MYO18A: variants seen among roughly 807,000 people sequenced by gnomAD.
MYO18A encodes myosin XVIIIA.
Under a neutral mutation model 235.8 loss-of-function variants are expected in MYO18A, and 78 were observed. That is an observed-to-expected ratio of 0.33 (90% CI 0.28 to 0.40). The LOEUF (loss-of-function observed/expected upper bound fraction) is 0.40. MYO18A is among the 10% of genes least tolerant of loss of function. The pLI, the probability that MYO18A is intolerant of heterozygous loss-of-function variation, is 1.00. For missense variants in MYO18A, 2,215 were observed against 2,699.3 expected, an observed-to-expected ratio of 0.82 and a Z score of 3.98; for synonymous variants, 977 against 1,077.8, an observed-to-expected ratio of 0.91 and a Z score of 1.83.
chr17:29,074,399 G>C lies in MYO18A; in HGVS notation c.*371C>G. 1 of 622,488 alleles carries C rather than the reference G, an allele frequency of 1.6e-6. No individual in the cohort carries two copies. The highest frequency in any genetic ancestry group is 4.4e-4 in the Middle Eastern group (1 of 2,252). The allele number at this position is 622,488 out of a possible 1,614,324, so 38.6% of individuals were successfully genotyped here. A position where few individuals can be genotyped will look rare whatever the true frequency, so the allele number is the denominator to read the frequency against. On this transcript the variant is annotated 3_prime_UTR_variant, in exon 42 of 42. Transcript: ENST00000527372. This position sits in a 1 kb window ranked among gnomAD's most constrained non-coding sequence, Gnocchi z 4.4. ...TCCTCCCCATGGACCCAGCAACCTA[G>C]AGTGTCCCAGTAGGCAACCTGTCCA...
rs571687563 is a variant in MYO18A at position 29,136,609 on chromosome 17, AATT to A, written c.1000-14359_1000-14357del. 3.9e-5 allele frequency among the ~76,000 whole-genome samples: 6 copies of A among 152,254 alleles called. No homozygotes were observed. The South Asian group carries it at 1.0e-3, about 26-fold the overall frequency. On this transcript the variant is annotated intron_variant, in intron 2 of 41. Transcript: ENST00000527372. ...ACAATCTGAGGATTGGTGATATGGG[AATT>A]ATTATTATTCCCATTTTATCGAGGA...
intron 10 of MYO18A, among the ~76,000 whole-genome samples, chr17:29,116,721 A>ACCCCCCCCCCCCCCCC (rs1292995037): frequency 2.9e-4 from 1 of 3,470 alleles, no homozygotes; most frequent in Non-Finnish European, 6.8e-4. Context: ...GCGCAAACAC[A>ACCCCCCCCCCCCCCCC]CCCTCCCCCC....
rs777821484 is a variant in MYO18A at position 29,107,140 on chromosome 17, G to T, written c.3381C>A (p.Val1127=). 5.0e-6 allele frequency: 8 copies of T among 1,613,908 alleles called. 1 individual carries two copies. In the South Asian group the frequency reaches 8.8e-5, roughly 18 times the overall value. The part of the protein sequence containing the change: ...VFSEFRRRFD[V]LAPHLTKKHG... ...GTTTCTTGGTCAGGTGCGGGGCCAG[G>T]ACATCAAAGCGGCGGCGGAACTCGG... Residue 1127 remains valine, a synonymous_variant, in exon 20 of 42, where the codon GTC becomes GTA. Coordinates refer to ENST00000527372, the MANE Select transcript of MYO18A (RefSeq NM_078471.4).
chr17:29,085,522 C>T (rs1226891356), intron 40 of MYO18A, 82 bp downstream of exon 40: 36 of 1,269,706 alleles, frequency 2.8e-5, no homozygotes, highest in African/African-American at 4.4e-5. Flanking sequence ...CTGCGTGCAG[C>T]GGCCCCAGGG....
At chr17:29,131,029 G>A (rs2067459512) in intron 2 of MYO18A, among the ~76,000 whole-genome samples, 1 of 152,164 alleles carries the variant, frequency 6.6e-6, no homozygotes, top group African/African-American at 2.4e-5. Flanking sequence ...GCCCACCCAA[G>A]CCTCTCCAGG....
At chr17:29,093,139 C>A in intron 32 of MYO18A, 138 bp from the exon 33 acceptor site, 1 of 1,277,088 alleles carries the variant, frequency 7.8e-7, no homozygotes. Context: ...TGCCAACCAG[C>A]GATAAAGGGC....
At chr17:29,153,097 C>T (rs2067992599) in intron 2 of MYO18A, among the ~76,000 whole-genome samples, 1 of 152,096 alleles carries the variant, frequency 6.6e-6, no homozygotes, top group Non-Finnish European at 1.5e-5. Flanking sequence ...CTCAAGACAA[C>T]CTTACAAGGA....
rs946915479 is a variant in MYO18A, at chr17:29,117,619, A to G, written c.2038+426T>C. 6.6e-6 allele frequency among the ~76,000 whole-genome samples: 1 copy of G among 152,138 alleles called. No homozygotes were observed. Among genetic ancestry groups the G allele is most frequent in the African/African-American group, 2.4e-5 (1 of 41,418 alleles). ...GCAACAGAACAAGCCCAGCCCCTAG[A>G]AAGTCCTGGGCAAGCACCAAGACAG... On this transcript the variant is annotated intron_variant, in intron 10 of 41. Transcript: ENST00000527372. The surrounding 1 kb of genome is among the most constrained non-coding windows in gnomAD (Gnocchi z 4.6).
chr17:29,082,259 G>A (rs1458480864), intron 41 of MYO18A, 57 bp downstream of exon 41: 6 of 1,610,004 alleles, frequency 3.7e-6, no homozygotes, highest in African/African-American at 2.7e-5. Flanking sequence ...GGCGCTACTT[G>A]TCCATTCCTT....
intron 1 of MYO18A, among the ~76,000 whole-genome samples, chr17:29,173,525 C>A (rs931786979): frequency 6.6e-6 from 1 of 151,370 alleles, no homozygotes; most frequent in African/African-American, 2.4e-5. Flanking sequence ...GTAGCTGGTA[C>A]TACAGGCGCC....
chr17:29,128,681 A>C lies in MYO18A; in HGVS notation c.1000-6428T>G, dbSNP rs8075161. 1,476 of 622,528 alleles carry C rather than the reference A, an allele frequency of 2.4e-3. 25 individuals are homozygous for C. In the African/African-American group the frequency reaches 0.028, roughly 12 times the overall value. The allele number at this position is 622,528 out of a possible 1,614,324, so 38.6% of individuals were successfully genotyped here. A position where few individuals can be genotyped will look rare whatever the true frequency, so the allele number is the denominator to read the frequency against. On this transcript the variant is annotated intron_variant, in intron 2 of 41. Transcript: ENST00000527372. ...CATCTACCAAGCAACACATGGCTCC[A>C]CGAGGCTACCCCAGGAAGCCCACTT...
intron 2 of MYO18A, among the ~76,000 whole-genome samples, chr17:29,142,852 G>A (rs182113312): frequency 3.5e-4 from 54 of 152,208 alleles, no homozygotes; most frequent in Admixed American, 3.2e-3. Flanking sequence ...TCACTCTATC[G>A]GCTGGAGTAC....
Position 29,121,480 on chromosome 17 carries a change from G to T in MYO18A, c.1371+67C>A. On this transcript the variant is annotated intron_variant, in intron 5 of 41. Coordinates refer to ENST00000527372, the MANE Select transcript of MYO18A (RefSeq NM_078471.4). The surrounding 1 kb of genome is among the most constrained non-coding windows in gnomAD (Gnocchi z 4.2). ...AGGAGCCCAGTGGGGTGCCACAGGG[G>T]AAGGGCAGAGAGCCAGGGCAGGGGG... The T allele has an allele frequency of 6.8e-7, 1 of 1,473,276 alleles. No individual in the cohort carries two copies. Among genetic ancestry groups the T allele is most frequent in the Non-Finnish European group, 9.1e-7 (1 of 1,099,494 alleles). 91.3% of individuals were successfully genotyped at this position (1,473,276 alleles called of 1,614,324 possible).
In MYO18A at chr17:29,093,420, T is replaced by G. The variant is rs1318578296; in HGVS notation, c.4829A>C (p.Gln1610Pro). ...ARQSCQKKLK[Q>P]MEVQLEEEYE... Reference sequence around the variant, plus strand: ...CTCTTCCTCTAGCTGCACCTCCATCTGTTTTAACTGGAGTACCATGGGGAC... The same window carrying G: ...CTCTTCCTCTAGCTGCACCTCCATCGGTTTTAACTGGAGTACCATGGGGAC... The change falls in exon 32 of 42, where the codon CAG (glutamine) becomes CCG (proline). Residue 1610 changes from glutamine (Q) to proline (P), a missense_variant. By Grantham distance (76) the Gln-to-Pro change is moderately conservative. Transcript: ENST00000527372. 6.2e-7 allele frequency: 1 copy of G among 1,610,242 alleles called. No homozygotes were observed.
chr17:29,080,419 T>C (rs1035050436), intron 41 of MYO18A: 2 of 986,028 alleles, frequency 2.0e-6, no homozygotes, highest in Non-Finnish European at 2.4e-6. Context: ...CGAGCAGGCC[T>C]CGCTCAGGGC....
intron 14 of MYO18A, 118 bp downstream of exon 14, chr17:29,114,789 A>G (rs1283963214): frequency 9.2e-7 from 1 of 1,084,054 alleles, no homozygotes; most frequent in East Asian, 2.7e-5. Flanking sequence ...CCTGCTCCAG[A>G]GAGCGCAGGA....
At chr17:29,127,990 TG>T (rs1285411915) in intron 2 of MYO18A, 14 of 1,002,204 alleles carry the variant, frequency 1.4e-5, no homozygotes, top group Non-Finnish European at 1.7e-5. Context: ...CAGGCTTGGC[TG>T]GGGATCCTGC....
In MYO18A at chr17:29,071,763, C is replaced by T. The variant is rs2065886536; in HGVS notation, c.*3007G>A. On this transcript the variant is annotated 3_prime_UTR_variant, in exon 42 of 42. Coordinates refer to ENST00000527372, the MANE Select transcript of MYO18A (RefSeq NM_078471.4). ...CACATGGGTCTGCTCCAGCCCTCGT[C>T]CGCAAAACCCTGGAGGATGGATACT... 6.6e-6 allele frequency: 1 copy of T among 152,202 alleles called. No individual in the cohort carries two copies. The highest frequency in any genetic ancestry group is 6.5e-5 in the Admixed American group (1 of 15,278). 9.4% of individuals were successfully genotyped at this position (152,202 alleles called of 1,614,324 possible).
chr17:29,151,166 G>A (rs1272091867), intron 2 of MYO18A, among the ~76,000 whole-genome samples: 1 of 152,112 alleles, frequency 6.6e-6, no homozygotes, highest in Non-Finnish European at 1.5e-5. Flanking sequence ...AAGCCCAAGA[G>A]TTCGCTGCAG....
Sources: gnomAD v4.1 joint callset for allele counts (sites outside exome capture counted in the v4.1 genomes callset) on GRCh38, gnomAD v4.1.1 for gene constraint, Gnocchi (gnomAD v3.1) non-coding constraint, MANE v1.5 for transcripts, NCBI Gene and HGNC (gene_info 2026-07-23, HGNC 2026-07-21) for gene names.